Variants in WWOX observed in about 807,000 individuals in gnomAD.
WWOX encodes the protein WW domain containing oxidoreductase.
WWOX carries 69 observed loss-of-function variants against 46.2 expected under a neutral mutation model. The ratio of observed to expected loss-of-function variants is 1.49; its 90% CI spans 1.23 to 1.82. The LOEUF (loss-of-function observed/expected upper bound fraction) is 1.82. Among genes scored for constraint, WWOX ranks in the 40% most tolerant of loss-of-function variants. WWOX has a pLI of 0.00. For missense variants in WWOX, 919 were observed against 542.6 expected (o/e 1.69, Z -6.89); for synonymous variants, 359 against 202.6 (o/e 1.77, Z -6.56).
intron 8 of WWOX, among the ~76,000 whole-genome samples, chr16:79,195,530 G>T (rs528211742): frequency 2.6e-4 from 39 of 152,318 alleles, no homozygotes; most frequent in African/African-American, 9.4e-4. Flanking sequence ...CCAGAATGGG[G>T]GATCTCAGCA....
At chr16:78,837,166 T>C (rs144137426) in intron 8 of WWOX, among the ~76,000 whole-genome samples, 20 of 152,182 alleles carry the variant, frequency 1.3e-4, no homozygotes, top group African/African-American at 1.9e-4. Context: ...AAAAAATGTT[T>C]AGCTGCATGT....
At chr16:78,155,303 G>A (rs969085528) in intron 4 of WWOX, among the ~76,000 whole-genome samples, 2 of 151,896 alleles carry the variant, frequency 1.3e-5, no homozygotes, top group African/African-American at 4.8e-5. Flanking sequence ...AGGGAAGAAA[G>A]TATGGGCCAC....
At chr16:78,895,218 G>C (rs2044675510) in intron 8 of WWOX, 1 of 152,218 alleles carries the variant, frequency 6.6e-6, no homozygotes, top group South Asian at 2.1e-4. Context: ...GGCTTACCCA[G>C]TTAACAGAAA....
At chr16:79,150,573 G>A (rs570483994) in intron 8 of WWOX, among the ~76,000 whole-genome samples, 2 of 152,182 alleles carry the variant, frequency 1.3e-5, no homozygotes, top group South Asian at 2.1e-4. Context: ...ATGTTGCCAC[G>A]TGGAAATTAG....
intron 8 of WWOX, among the ~76,000 whole-genome samples, chr16:78,851,147 C>T (rs551466635): frequency 6.6e-6 from 1 of 152,244 alleles, no homozygotes; most frequent in Admixed American, 6.5e-5. Context: ...ATGGCTTTCA[C>T]CCTCAAACTT....
intron 8 of WWOX, among the ~76,000 whole-genome samples, chr16:78,465,627 A>G (rs941017119): frequency 2.0e-5 from 3 of 152,238 alleles, no homozygotes; most frequent in Admixed American, 6.5e-5. Flanking sequence ...GAATGTGTTC[A>G]TATTTTCCAC....
intron 8 of WWOX, among the ~76,000 whole-genome samples, chr16:79,131,716 C>T (rs543845154): frequency 6.6e-6 from 1 of 152,134 alleles, no homozygotes; most frequent in East Asian, 1.9e-4. Flanking sequence ...CATGGGTGAT[C>T]AAGCAGCAGT....
chr16:79,123,212 A>G (rs1171048993), intron 8 of WWOX, among the ~76,000 whole-genome samples: 1 of 152,090 alleles, frequency 6.6e-6, no homozygotes, highest in African/African-American at 2.4e-5. Flanking sequence ...CCAGCACCAC[A>G]TGAATAAAGC....
At chr16:78,153,282 G>T (rs1040350867) in intron 4 of WWOX, among the ~76,000 whole-genome samples, 2 of 152,168 alleles carry the variant, frequency 1.3e-5, no homozygotes, top group African/African-American at 4.8e-5. Context: ...AAATGCCTGT[G>T]GGGGAGTTGG....
Position 79,045,315 on chromosome 16 carries a change from G to A in WWOX, c.1057-166293G>A, listed in dbSNP as rs112125403. Among the ~76,000 whole-genome samples, 47 of 152,288 alleles carry A rather than the reference G, an allele frequency of 3.1e-4. 1 individual carries two copies. Among genetic ancestry groups the A allele is most frequent in the African/African-American group, 1.1e-3 (47 of 41,568 alleles). On this transcript the variant is annotated intron_variant, in intron 8 of 8. Transcript: ENST00000566780. ...GCTCATGGGACATTTGACCTACATGGAAATGCAGGCTGGAGTTGCATTTTA... is the reference window on the plus strand; with the variant it reads ...GCTCATGGGACATTTGACCTACATGAAAATGCAGGCTGGAGTTGCATTTTA...
intron 8 of WWOX, among the ~76,000 whole-genome samples, chr16:78,706,790 C>T (rs2048336724): frequency 6.6e-6 from 1 of 152,150 alleles, no homozygotes; most frequent in Admixed American, 6.5e-5. Flanking sequence ...GCAACTGACT[C>T]AGGATACAAA....
At chr16:78,326,825 G>T (rs544621654) in intron 5 of WWOX, among the ~76,000 whole-genome samples, 13 of 152,082 alleles carry the variant, frequency 8.5e-5, no homozygotes, top group African/African-American at 3.1e-4. Context: ...CTTATTTTAG[G>T]AAATGTGTTT....
intron 8 of WWOX, among the ~76,000 whole-genome samples, chr16:78,797,305 G>A (rs1456657358): frequency 7.2e-6 from 1 of 138,348 alleles, no homozygotes; most frequent in African/African-American, 2.7e-5. Flanking sequence ...TTACAAGACT[G>A]TATTGTATAA....
At chr16:78,863,256 C>T (rs1265492565) in intron 8 of WWOX, among the ~76,000 whole-genome samples, 2 of 152,178 alleles carry the variant, frequency 1.3e-5, no homozygotes, top group African/African-American at 4.8e-5. Flanking sequence ...CCACTCCCAG[C>T]CAGCCAAGTA....
chr16:78,899,373 C>G (rs972122794), intron 8 of WWOX: 1 of 152,204 alleles, frequency 6.6e-6, no homozygotes, highest in African/African-American at 2.4e-5. Flanking sequence ...GGAAACCTAA[C>G]TCCAAATCTT....
chr16:78,747,729 G>T (rs8063056), intron 8 of WWOX, among the ~76,000 whole-genome samples: 17 of 152,130 alleles, frequency 1.1e-4, no homozygotes, highest in African/African-American at 3.9e-4. Context: ...TCCCTAGAGC[G>T]TCAGCCCATG....
At chr16:78,929,930 T>C (rs893931563) in intron 8 of WWOX, among the ~76,000 whole-genome samples, 10 of 152,158 alleles carry the variant, frequency 6.6e-5, no homozygotes, top group African/African-American at 2.4e-4. Context: ...ACACGGTAGT[T>C]CAGGATAAAA....
chr16:78,796,175 C>G (rs527620013), intron 8 of WWOX, among the ~76,000 whole-genome samples: 2 of 152,328 alleles, frequency 1.3e-5, no homozygotes, highest in South Asian at 4.1e-4. Flanking sequence ...ATTGACTTAA[C>G]TGTTAACTCC....
chr16:78,340,143 A>C (rs76496209), intron 5 of WWOX, among the ~76,000 whole-genome samples: 11,737 of 107,866 alleles, frequency 0.11, 3,397 homozygotes, highest in African/African-American at 0.33. Context: ...TTTTCTGTTT[A>C]GTTTCTATCT....
Sources: allele counts gnomAD v4.1 joint callset (sites outside exome capture counted in the v4.1 genomes callset), GRCh38; gene constraint gnomAD v4.1.1; transcripts MANE v1.5; gene names NCBI Gene and HGNC (gene_info 2026-07-23, HGNC 2026-07-21).